The following SHISA9 variants were observed in gnomAD, a reference collection of about 807,000 sequenced individuals.
SHISA9 encodes the protein shisa family member 9.
A neutral mutation model predicts 38.0 loss-of-function variants in SHISA9; 13 were observed. The observed-to-expected ratio is 0.34, with a 90% CI of 0.22 to 0.54. The LOEUF (loss-of-function observed/expected upper bound fraction) is 0.54, where lower values mean the gene tolerates loss of function less well. Among genes scored for constraint, SHISA9 ranks in the 20% least tolerant of loss-of-function variants. The probability of loss-of-function intolerance (pLI) is 0.91; values close to 1 mark genes in which losing one functional copy is unlikely to be tolerated. For synonymous variants in SHISA9, 275 were observed against 242.0 expected, an observed-to-expected ratio of 1.14 and a Z score of -1.27; for missense variants, 538 against 575.8, an observed-to-expected ratio of 0.93 and a Z score of 0.67.
At chr16:13,042,896 G>A (rs190168037) in intron 2 of SHISA9, among the ~76,000 whole-genome samples, 8 of 152,306 alleles carry the variant, frequency 5.3e-5, no homozygotes, top group Admixed American at 3.3e-4. Context: ...CTGGCACACG[G>A]TAGAGGCTCA....
chr16:13,322,810 ATCT>A, the SHISA9 span, among the ~76,000 whole-genome samples: 10 of 152,100 alleles, frequency 6.6e-5, no homozygotes, highest in Non-Finnish European at 1.3e-4. Context: ...TCTTTGTGAA[ATCT>A]TCTTCTTCTA....
the SHISA9 span, among the ~76,000 whole-genome samples, chr16:13,454,748 A>C: frequency 6.6e-6 from 1 of 152,194 alleles, no homozygotes; most frequent in South Asian, 2.1e-4. Context: ...GACAGAAGGA[A>C]GGAGAATCAT....
chr16:13,027,667 T>G (rs1242372986), intron 2 of SHISA9, among the ~76,000 whole-genome samples: 3 of 151,876 alleles, frequency 2.0e-5, no homozygotes, highest in Non-Finnish European at 4.4e-5. Flanking sequence ...AAGCAGGCAC[T>G]GAAGAGTGTA....
intron 2 of SHISA9, among the ~76,000 whole-genome samples, chr16:12,919,897 A>T (rs1421100893): frequency 6.6e-6 from 1 of 152,196 alleles, no homozygotes; most frequent in Non-Finnish European, 1.5e-5. Context: ...TTTTCTGCAA[A>T]TGCTCCTCAG....
intron 2 of SHISA9, among the ~76,000 whole-genome samples, chr16:12,999,953 G>C (rs1388037203): frequency 1.3e-5 from 2 of 152,176 alleles, no homozygotes; most frequent in Non-Finnish European, 2.9e-5. Flanking sequence ...TATGTGCATG[G>C]GAAAAAGAGA....
chr16:12,918,354 C>T (rs1210962968), intron 2 of SHISA9, among the ~76,000 whole-genome samples: 1 of 152,112 alleles, frequency 6.6e-6, no homozygotes, highest in Non-Finnish European at 1.5e-5. Flanking sequence ...TGAACATGAT[C>T]ACAGAGCAGA....
rs558728552 is a variant in SHISA9, at chr16:13,190,875, C to A, written c.692-12519C>A. Among the ~76,000 whole-genome samples, 6 of 152,066 alleles carry A rather than the reference C, an allele frequency of 3.9e-5. No individual in the cohort carries two copies. In the South Asian group the frequency reaches 1.0e-3, roughly 26 times the overall value. On this transcript the variant is annotated intron_variant, in intron 2 of 4. Coordinates refer to ENST00000558583, the MANE Select transcript of SHISA9 (RefSeq NM_001145204.3). ...TATAAACTCTTGGGTAACACCAATGCCTCATTTTCCAAAGGTTTTATGATT... is the reference window on the plus strand; with the variant it reads ...TATAAACTCTTGGGTAACACCAATGACTCATTTTCCAAAGGTTTTATGATT...
At chr16:13,234,050 G>T (rs2142088109) in intron 4 of SHISA9, among the ~76,000 whole-genome samples, 1 of 152,186 alleles carries the variant, frequency 6.6e-6, no homozygotes, top group South Asian at 2.1e-4. Context: ...TTAGAATTAT[G>T]CTAAATTCAA....
At chr16:13,214,198 T>A (rs2051146264) in intron 4 of SHISA9, among the ~76,000 whole-genome samples, 1 of 152,088 alleles carries the variant, frequency 6.6e-6, no homozygotes, top group Non-Finnish European at 1.5e-5. Context: ...TAGAACTATT[T>A]ATCTATTTAT....
In SHISA9 at chr16:13,200,873, G is replaced by A. The variant is rs374434143; in HGVS notation, c.692-2521G>A. Among the ~76,000 whole-genome samples the A allele has an allele frequency of 3.0e-5, 4 of 135,546 alleles. No homozygotes were observed. In the East Asian group the frequency reaches 5.9e-4, roughly 20 times the overall value. The allele number at this position is 135,546 out of a possible 152,430, so 88.9% of individuals were successfully genotyped here. A position where few individuals can be genotyped will look rare whatever the true frequency, so the allele number is the denominator to read the frequency against. On this transcript the variant is annotated intron_variant, in intron 2 of 4. Coordinates refer to ENST00000558583, the MANE Select transcript of SHISA9 (RefSeq NM_001145204.3). Reference sequence around the variant, plus strand: ...TCCCTAACCTCATGCCTCAGCTAGGGTATCTCTGCCTGTTTCCATTTGGGT... The same window carrying A: ...TCCCTAACCTCATGCCTCAGCTAGGATATCTCTGCCTGTTTCCATTTGGGT...
At chr16:13,261,514 A>C in the SHISA9 span, among the ~76,000 whole-genome samples, 1 of 152,028 alleles carries the variant, frequency 6.6e-6, no homozygotes, top group Non-Finnish European at 1.5e-5. Flanking sequence ...ATTCCACAGC[A>C]CCCCCACCAG....
chr16:12,997,856 C>G (rs1281666470), intron 2 of SHISA9, among the ~76,000 whole-genome samples: 9 of 152,186 alleles, frequency 5.9e-5, no homozygotes, highest in Non-Finnish European at 1.3e-4. Context: ...TGTTCTGCCT[C>G]TAGATATATC....
At chr16:13,420,874 T>G in the SHISA9 span, among the ~76,000 whole-genome samples, 1 of 152,202 alleles carries the variant, frequency 6.6e-6, no homozygotes, top group South Asian at 2.1e-4. Flanking sequence ...CACTATGAAA[T>G]CCTCTCACGT....
chr16:13,395,218 G>A, the SHISA9 span, among the ~76,000 whole-genome samples: 2 of 152,120 alleles, frequency 1.3e-5, no homozygotes, highest in African/African-American at 4.8e-5. Context: ...GGGCTCTTGG[G>A]TATCAAGAAT....
At chr16:13,531,958 A>G in the SHISA9 span, among the ~76,000 whole-genome samples, 1 of 152,208 alleles carries the variant, frequency 6.6e-6, no homozygotes, top group East Asian at 1.9e-4. Context: ...GATGACACGA[A>G]GAAGAAGAAA....
At chr16:13,006,026 G>A (rs995345218) in intron 2 of SHISA9, among the ~76,000 whole-genome samples, 3 of 152,208 alleles carry the variant, frequency 2.0e-5, no homozygotes, top group African/African-American at 7.2e-5. Context: ...GTGTGTCCCT[G>A]CAGCTTGGGC....
At chr16:12,959,254 AC>A (rs2071876566) in intron 2 of SHISA9, among the ~76,000 whole-genome samples, 1 of 152,248 alleles carries the variant, frequency 6.6e-6, no homozygotes, top group African/African-American at 2.4e-5. Context: ...GGAATGCAAG[AC>A]TAGAGGCATT....
intron 2 of SHISA9, among the ~76,000 whole-genome samples, chr16:12,932,213 C>T (rs1237810754): frequency 1.3e-5 from 2 of 152,136 alleles, no homozygotes. Flanking sequence ...TTATTAGCAG[C>T]ATGAGAACAG....
chr16:13,080,306 GAGCTTGC>G (rs1223963565), intron 2 of SHISA9, among the ~76,000 whole-genome samples: 1 of 152,196 alleles, frequency 6.6e-6, no homozygotes, highest in African/African-American at 2.4e-5. Flanking sequence ...CCGGGAGGTG[GAGCTTGC>G]AGTGAGCCTA....
Sources: gnomAD v4.1 joint callset for allele counts (sites outside exome capture counted in the v4.1 genomes callset) on GRCh38, gnomAD v4.1.1 for gene constraint, MANE v1.5 for transcripts, NCBI Gene and HGNC (gene_info 2026-07-23, HGNC 2026-07-21) for gene names.